The following ANKRD55 variants were observed in gnomAD, a reference collection of about 807,000 sequenced individuals.
ANKRD55 encodes ankyrin repeat domain 55.
In ANKRD55, 41 loss-of-function variants were observed where a neutral mutation model predicts 60.6. The observed-to-expected ratio is 0.68, with a 90% CI of 0.53 to 0.88. The LOEUF is 0.88. Ranked by LOEUF, ANKRD55 falls within the 40% of genes least tolerant of loss-of-function variation. The pLI, the probability that ANKRD55 is intolerant of heterozygous loss-of-function variation, is 0.00. For missense variants in ANKRD55, 732 were observed against 767.6 expected (o/e 0.95, Z 0.55); for synonymous variants, 264 against 290.3 (o/e 0.91, Z 0.92).
chr5:56,141,119 A>G (rs926171078), intron 7 of ANKRD55, among the ~76,000 whole-genome samples: 4 of 142,848 alleles, frequency 2.8e-5, no homozygotes, highest in Non-Finnish European at 4.5e-5. Flanking sequence ...GTGTACATGC[A>G]TGCACACACA....
intron 8 of ANKRD55, chr5:56,125,718 C>T (rs958099482): frequency 2.6e-5 from 4 of 152,134 alleles, no homozygotes; most frequent in Non-Finnish European, 4.4e-5. Context: ...AGAAGATTAG[C>T]GTGGCCCCTG....
intron 3 of ANKRD55, among the ~76,000 whole-genome samples, chr5:56,178,965 A>G (rs990080713): frequency 7.1e-6 from 1 of 141,668 alleles, no homozygotes; most frequent in Admixed American, 6.9e-5. Flanking sequence ...TGGGACAACC[A>G]TTTTTGGGGA....
intron 7 of ANKRD55, 155 bp downstream of exon 7, chr5:56,143,646 T>A: frequency 1.0e-6 from 1 of 996,258 alleles, no homozygotes; most frequent in Non-Finnish European, 1.5e-6. Flanking sequence ...TTATAACTAC[T>A]CCCCTTTGCA....
intron 2 of ANKRD55, among the ~76,000 whole-genome samples, chr5:56,231,239 A>C (rs781108376): frequency 1.3e-5 from 2 of 152,330 alleles, no homozygotes; most frequent in East Asian, 1.9e-4. Context: ...CTTCCATGGG[A>C]GAGAATCCGG....
At chr5:56,127,464 A>G (rs1013298981) in intron 7 of ANKRD55, 1 of 985,170 alleles carries the variant, frequency 1.0e-6, no homozygotes, top group African/African-American at 1.7e-5. Flanking sequence ...AGGTCTGATC[A>G]TTTGTGTCCC....
At chr5:56,166,158 T>TTTCTTCTTTCTTTCC (rs1554040812) in intron 5 of ANKRD55, among the ~76,000 whole-genome samples, 4 of 72,436 alleles carry the variant, frequency 5.5e-5, no homozygotes, top group African/African-American at 2.6e-4. Flanking sequence ...TTCTTTCTTC[T>TTTCTTCTTTCTTTCC]TTCCTTCCTT....
chr5:56,217,895 CA>C (rs113477709), intron 2 of ANKRD55, among the ~76,000 whole-genome samples: 2,653 of 76,728 alleles, frequency 0.035, 42 homozygotes, highest in African/African-American at 0.097. Context: ...GACTCCGTCT[CA>C]AAAAAAAAAA....
chr5:56,219,951 A>G (rs73118066), intron 2 of ANKRD55, among the ~76,000 whole-genome samples: 5,241 of 152,304 alleles, frequency 0.034, 297 homozygotes, highest in African/African-American at 0.12. Context: ...ACCCAGCACA[A>G]TTACTTAGTT....
At chr5:56,166,777 T>A (rs1561278255) in intron 5 of ANKRD55, among the ~76,000 whole-genome samples, 1 of 151,932 alleles carries the variant, frequency 6.6e-6, no homozygotes, top group Non-Finnish European at 1.5e-5. Flanking sequence ...ATAGTAAAAT[T>A]AAAAAAAATG....
chr5:56,227,288 T>C (rs1760140676), intron 2 of ANKRD55, among the ~76,000 whole-genome samples: 1 of 130,730 alleles, frequency 7.6e-6, no homozygotes, highest in African/African-American at 3.0e-5. Flanking sequence ...AACTGAACAT[T>C]GAGAACACTT....
chr5:56,138,095 C>T (rs1283923196), intron 7 of ANKRD55, among the ~76,000 whole-genome samples: 3 of 151,514 alleles, frequency 2.0e-5, no homozygotes, highest in African/African-American at 7.3e-5. Context: ...ATGGTACAGC[C>T]ACTTTTGAAG....
intron 2 of ANKRD55, among the ~76,000 whole-genome samples, chr5:56,231,727 G>GC (rs1361608829): frequency 2.0e-5 from 3 of 151,252 alleles, no homozygotes. Context: ...TTCCAAATGA[G>GC]CTAAGACCTG....
At chr5:56,173,548 CT>C in intron 4 of ANKRD55, among the ~76,000 whole-genome samples, 1 of 42,292 alleles carries the variant, frequency 2.4e-5, no homozygotes, top group Non-Finnish European at 4.5e-5. Context: ...TCGCCTCTCT[CT>C]CTCTCTCTCT....
intron 10 of ANKRD55, among the ~76,000 whole-genome samples, chr5:56,103,699 G>A (rs562387374): frequency 6.6e-6 from 1 of 152,266 alleles, no homozygotes; most frequent in African/African-American, 2.4e-5. Flanking sequence ...TTAGCTTATA[G>A]GGTAAAGTAC....
intron 2 of ANKRD55, among the ~76,000 whole-genome samples, chr5:56,221,149 C>A (rs985746421): frequency 4.6e-5 from 7 of 152,192 alleles, no homozygotes; most frequent in African/African-American, 1.7e-4. Flanking sequence ...CAAATCATTC[C>A]CTTTCCTTTC....
At chr5:56,137,491 A>G (rs1757638454) in intron 7 of ANKRD55, 2 of 801,686 alleles carry the variant, frequency 2.5e-6, no homozygotes, top group Admixed American at 1.7e-5. Context: ...AAGATATCCC[A>G]GAAGAAACTG....
intron 5 of ANKRD55, among the ~76,000 whole-genome samples, chr5:56,165,442 G>A (rs1486949138): frequency 6.6e-6 from 1 of 152,036 alleles, no homozygotes; most frequent in Non-Finnish European, 1.5e-5. Flanking sequence ...TAATGTTTAT[G>A]GTGTTTCTTT....
intron 7 of ANKRD55, among the ~76,000 whole-genome samples, chr5:56,143,105 A>G (rs1289504729): frequency 6.6e-6 from 1 of 152,206 alleles, no homozygotes; most frequent in Non-Finnish European, 1.5e-5. Flanking sequence ...CTGGGCCAAC[A>G]GAAATCAACT....
chr5:56,203,911 A>C (rs1315522384), intron 2 of ANKRD55, among the ~76,000 whole-genome samples: 2 of 152,072 alleles, frequency 1.3e-5, no homozygotes, highest in Non-Finnish European at 2.9e-5. Flanking sequence ...GAATCGCCAC[A>C]CTGACTTCCA....
Sources: allele counts gnomAD v4.1 joint callset (sites outside exome capture counted in the v4.1 genomes callset), GRCh38; gene constraint gnomAD v4.1.1; transcripts MANE v1.5; gene names NCBI Gene and HGNC (gene_info 2026-07-23, HGNC 2026-07-21).